SNX5: variants seen among roughly 807,000 people sequenced by gnomAD.
SNX5 encodes sorting nexin-5.
Under a neutral mutation model 53.9 loss-of-function variants are expected in SNX5, and 31 were observed. The observed-to-expected ratio is 0.58, with a 90% CI of 0.43 to 0.78. The LOEUF (loss-of-function observed/expected upper bound fraction) is 0.78. SNX5 is among the 30% of genes least tolerant of loss of function. SNX5 has a pLI of 0.00. For missense variants in SNX5, 471 were observed against 478.8 expected, an observed-to-expected ratio of 0.98 and a Z score of 0.15; for synonymous variants, 168 against 171.1, an observed-to-expected ratio of 0.98 and a Z score of 0.14.
At chr20:17,948,248 G>A (rs976954882) in intron 10 of SNX5, among the ~76,000 whole-genome samples, 4 of 152,196 alleles carry the variant, frequency 2.6e-5, no homozygotes, top group African/African-American at 7.2e-5. Context: ...TCAAATAATC[G>A]TAAGTGAGCT....
intron 2 of SNX5, 64 bp downstream of exon 2, chr20:17,956,869 C>A: frequency 3.5e-6 from 3 of 854,018 alleles, no homozygotes; most frequent in Non-Finnish European, 6.1e-6. Context: ...TCTCTTCTCA[C>A]ATCCACTGTG....
rs995623696 is a variant in SNX5, at chr20:17,956,994, T to A, written c.95A>T (p.Gln32Leu). 13 of 1,610,288 alleles carry A rather than the reference T, an allele frequency of 8.1e-6. No homozygotes were observed. The East Asian group carries it at 2.9e-4, about 36-fold the overall frequency. ...SVDLNVDPSL[Q>L]IDIPDALSER... The stretch of plus-strand genomic sequence containing the variant: ...ACTGAGCGCATCAGGTATGTCAATC[T>A]GAAGCGAGGGATCAACATTCAGGTC... Residue 32 changes from glutamine (Q) to leucine (L), a missense_variant, in exon 2 of 13, where the codon CAG becomes CTG. Transcript: ENST00000377759.
At position 17,941,905 on chromosome 20, in the gene SNX5, G is replaced by A. The variant is rs2039422524; in HGVS notation, c.*452C>T. Reference sequence around the variant, plus strand: ...AGATGACTACCAGTGGAGTAACAGGGCAAAACAAAAACACAAACCCCACCT... The same window carrying A: ...AGATGACTACCAGTGGAGTAACAGGACAAAACAAAAACACAAACCCCACCT... On this transcript the variant is annotated 3_prime_UTR_variant, in exon 13 of 13. Transcript: ENST00000377759. 1 of 157,162 alleles carries A rather than the reference G, an allele frequency of 6.4e-6. No homozygotes were observed. The highest frequency in any genetic ancestry group is 1.4e-5 in the Non-Finnish European group (1 of 71,206). The allele number at this position is 157,162 out of a possible 1,614,324, so 9.7% of individuals were successfully genotyped here.
chr20:17,960,272 C>A (rs760907168), intron 1 of SNX5, among the ~76,000 whole-genome samples: 2 of 151,938 alleles, frequency 1.3e-5, no homozygotes, highest in African/African-American at 2.4e-5. Flanking sequence ...ACCAGCCTGA[C>A]CAACATGGTG....
chr20:17,965,880 A>G (rs973590858), intron 1 of SNX5, among the ~76,000 whole-genome samples: 1 of 152,152 alleles, frequency 6.6e-6, no homozygotes, highest in African/African-American at 2.4e-5. Context: ...TTCAGTCCAC[A>G]AAGTTTGTAA....
chr20:17,962,291 G>A (rs763775951), intron 1 of SNX5: 44 of 163,144 alleles, frequency 2.7e-4, no homozygotes, highest in African/African-American at 3.5e-4. Flanking sequence ...CTCCACCCCC[G>A]GGGTTCAATT....
rs368138898 is a variant in SNX5, at chr20:17,961,169, T to A, written c.52-4132A>T. ...TCATCAGCTTCCCAGCTGGGGCACA[T>A]CAGACACTGGCTGCAGGACAACCCT... On this transcript the variant is annotated intron_variant, in intron 1 of 12. Transcript: ENST00000377759. The A allele has an allele frequency of 4.4e-5, 43 of 985,446 alleles. No individual in the cohort carries two copies. The African/African-American group carries it at 7.0e-4, about 16-fold the overall frequency. The allele number at this position is 985,446 out of a possible 1,614,324, so 61.0% of individuals were successfully genotyped here.
At chr20:17,967,794 T>TA (rs2035576609) in intron 1 of SNX5, 1 of 339,606 alleles carries the variant, frequency 2.9e-6, no homozygotes. Context: ...GGGCAAGACT[T>TA]AAAAATAGAC....
intron 1 of SNX5, among the ~76,000 whole-genome samples, chr20:17,964,246 T>A (rs2035502162): frequency 6.6e-6 from 1 of 152,166 alleles, no homozygotes; most frequent in Non-Finnish European, 1.5e-5. Flanking sequence ...AAGGGAGCCA[T>A]CTGGATTTGT....
intron 1 of SNX5, among the ~76,000 whole-genome samples, chr20:17,957,586 T>C (rs2122396113): frequency 6.6e-6 from 1 of 152,356 alleles, no homozygotes; most frequent in East Asian, 1.9e-4. Flanking sequence ...GCTACAATAA[T>C]GTCATGTACA....
intron 12 of SNX5, chr20:17,942,757 A>G (rs1195577070): frequency 1.1e-5 from 4 of 363,922 alleles, no homozygotes. Context: ...AAGATTGAAT[A>G]AAAGTTGCTA....
intron 1 of SNX5, chr20:17,962,339 G>A (rs80163528): frequency 4.9e-6 from 1 of 206,182 alleles, no homozygotes; most frequent in Non-Finnish European, 9.9e-6. Flanking sequence ...TGAGTAGCTG[G>A]GATTACAGGC....
At chr20:17,964,813 A>C (rs988055360) in intron 1 of SNX5, among the ~76,000 whole-genome samples, 2 of 152,210 alleles carry the variant, frequency 1.3e-5, no homozygotes, top group African/African-American at 4.8e-5. Context: ...ATGCTGAAAC[A>C]GCAGAATTTT....
intron 1 of SNX5, among the ~76,000 whole-genome samples, chr20:17,963,749 G>T (rs926542960): frequency 6.6e-6 from 1 of 152,182 alleles, no homozygotes; most frequent in Non-Finnish European, 1.5e-5. Flanking sequence ...AAACCAAGAT[G>T]CACAGGAAAT....
Position 17,955,472 on chromosome 20 carries a change from T to G in SNX5, c.160A>C (p.Thr54Pro), listed in dbSNP as rs1182192347. 1 of 1,612,912 alleles carries G rather than the reference T, an allele frequency of 6.2e-7. No individual in the cohort carries two copies. The highest frequency in any genetic ancestry group is 1.7e-5 in the Admixed American group (1 of 59,952). ...KVKFTVHTKT[T>P]LPTFQSPEFS... ...TCTGGGCTCTGAAACGTGGGCAGTG[T>G]GGTCTGTAAAGAAAGAAAGAAGTTA... The change falls in exon 3 of 13, where the codon ACA (threonine) becomes CCA (proline). Residue 54 changes from threonine to proline, a missense_variant. Coordinates refer to ENST00000377759, the MANE Select transcript of SNX5 (RefSeq NM_014426.4).
Position 17,942,388 on chromosome 20 carries a change from T to C in SNX5, c.1184A>G (p.Gln395Arg). 6.2e-7 allele frequency: 1 copy of C among 1,611,766 alleles called. No homozygotes were observed. Among genetic ancestry groups the C allele is most frequent in the Non-Finnish European group, 8.5e-7 (1 of 1,177,888 alleles). Residue 395 changes from glutamine to arginine, a missense_variant, in exon 13 of 13, where the codon CAG (glutamine) becomes CGG (arginine). Coordinates refer to ENST00000377759, the MANE Select transcript of SNX5 (RefSeq NM_014426.4). Reference sequence around the variant, plus strand: ...ATTCTTGAACAAGTCAATACAGCTCTGCAAAAGGGAGACATTGTTCTGTGG... The same window carrying C: ...ATTCTTGAACAAGTCAATACAGCTCCGCAAAAGGGAGACATTGTTCTGTGG... ...KHARNNVSLL[Q>R]SCIDLFKNN
intron 1 of SNX5, 162 bp downstream of exon 1, chr20:17,968,213 A>G (rs893857078): frequency 6.7e-6 from 3 of 446,380 alleles, no homozygotes; most frequent in Non-Finnish European, 1.1e-5. Context: ...GGCAGCCTTC[A>G]GTGAAGACCA....
chr20:17,944,491 T>A (rs544761457), intron 11 of SNX5: 1 of 152,246 alleles, frequency 6.6e-6, no homozygotes, highest in Non-Finnish European at 1.5e-5. Context: ...GCTACACGTA[T>A]TCAAGACAGG....
chr20:17,959,300 C>T (rs1448034392), intron 1 of SNX5, among the ~76,000 whole-genome samples: 1 of 151,986 alleles, frequency 6.6e-6, no homozygotes, highest in Non-Finnish European at 1.5e-5. Flanking sequence ...ATTATCTTCT[C>T]TTTTCGTCCC....
Sources: allele counts gnomAD v4.1 joint callset (sites outside exome capture counted in the v4.1 genomes callset), GRCh38; gene constraint gnomAD v4.1.1; transcripts MANE v1.5; gene names NCBI Gene and HGNC (gene_info 2026-07-23, HGNC 2026-07-21).